Variants in NPAT observed in about 807,000 individuals in gnomAD.
NPAT encodes nuclear protein, coactivator of histone transcription.
In NPAT, 52 loss-of-function variants were observed where a neutral mutation model predicts 130.7. That is an observed-to-expected ratio of 0.40 (90% confidence interval 0.32 to 0.50). The LOEUF (loss-of-function observed/expected upper bound fraction) is 0.50, where lower values mean the gene tolerates loss of function less well. Among genes scored for constraint, NPAT ranks in the 20% least tolerant of loss-of-function variants. The pLI is 0.68. For missense variants in NPAT, 1,687 were observed against 1,662.6 expected, an observed-to-expected ratio of 1.01 and a Z score of -0.26; for synonymous variants, 580 against 584.8, an observed-to-expected ratio of 0.99 and a Z score of 0.12.
intron 1 of NPAT, among the ~76,000 whole-genome samples, chr11:108,220,710 A>AT (rs2078477776): frequency 6.6e-6 from 1 of 152,238 alleles, no homozygotes; most frequent in Non-Finnish European, 1.5e-5. Context: ...AAGTAAGAGC[A>AT]TTAGGCATGG....
chr11:108,193,903 A>G, intron 3 of NPAT, 54 bp downstream of exon 3: 2 of 1,037,540 alleles, frequency 1.9e-6, no homozygotes, highest in Non-Finnish European at 3.0e-6. Flanking sequence ...TAACTAAATC[A>G]AGTAGATAAA....
intron 8 of NPAT, among the ~76,000 whole-genome samples, chr11:108,186,023 G>GA (rs1555043311): frequency 1.4e-5 from 2 of 145,650 alleles, no homozygotes; most frequent in Non-Finnish European, 3.0e-5. Flanking sequence ...TCGCCGGCCA[G>GA]TTTTTTTTTT....
intron 1 of NPAT, among the ~76,000 whole-genome samples, chr11:108,212,658 T>C (rs952052112): frequency 6.6e-6 from 1 of 150,816 alleles, no homozygotes. Context: ...AAAAAAACTA[T>C]TAGAGGCCAG....
Position 108,172,766 on chromosome 11 carries a change from G to T in NPAT, c.2218C>A (p.Leu740Ile). ...GGATCATCACTAATGATAACTTTGA[G>T]AGAGACGATATTTGATGCATCTATC... ...AEIDASNIVS[L>I]KVIISDDPFV... The change falls in exon 13 of 18, where the codon CTC becomes ATC. Residue 740 changes from leucine to isoleucine, a missense_variant. Around this residue, in one of 3 missense-constraint regions of NPAT, gnomAD observed 1,379 missense variants for 1,346.6 expected, o/e 1.02. Transcript: ENST00000278612. 6.2e-7 allele frequency: 1 copy of T among 1,613,574 alleles called. No homozygotes were observed. The highest frequency in any genetic ancestry group is 1.1e-5 in the South Asian group (1 of 91,074).
intron 10 of NPAT, among the ~76,000 whole-genome samples, chr11:108,181,132 T>G (rs1028838085): frequency 1.3e-5 from 2 of 152,220 alleles, no homozygotes; most frequent in Admixed American, 6.5e-5. Flanking sequence ...GGACTGTATT[T>G]GCAGATAAGA....
At chr11:108,188,042 C>CTT (rs371572857) in intron 7 of NPAT, 56 bp downstream of exon 7, 727 of 1,048,594 alleles carry the variant, frequency 6.9e-4, no homozygotes, top group Middle Eastern at 1.3e-3. Context: ...TGATGTAATT[C>CTT]TTTTTTTTTT....
intron 1 of NPAT, among the ~76,000 whole-genome samples, chr11:108,218,424 T>C (rs73006241): frequency 0.11 from 16,249 of 152,106 alleles, 1,205 homozygotes; most frequent in Non-Finnish European, 0.14. Context: ...AAACATCTCC[T>C]TCACATATTT....
At chr11:108,204,389 C>A (rs1389131940) in intron 1 of NPAT, among the ~76,000 whole-genome samples, 2 of 152,194 alleles carry the variant, frequency 1.3e-5, no homozygotes, top group African/African-American at 4.8e-5. Flanking sequence ...GTGGGGTTAC[C>A]TACCTTTGGG....
rs1381063231 is a variant in NPAT, at chr11:108,173,729, T to C, written c.1255A>G (p.Ile419Val). 1.9e-6 allele frequency: 3 copies of C among 1,614,172 alleles called. No individual in the cohort carries two copies. Among genetic ancestry groups the C allele is most frequent in the East Asian group, 2.2e-5 (1 of 44,872 alleles). Residue 419 changes from isoleucine to valine, a missense_variant, in exon 13 of 18, where the codon ATA (isoleucine) becomes GTA (valine). By Grantham distance (29) the Ile-to-Val change is conservative. This residue lies in a region of NPAT where 1,379 missense variants were observed against 1,346.6 expected (regional missense o/e 1.02). Transcript: ENST00000278612. ...GCCTTTTTCTGTATGCTGGTACTTA[T>C]TTGGGAAAAATTTTCCTGGTCTTCT... ...RQEDQENFSQ[I>V]STSIQKKAFK...
At chr11:108,168,535 T>C (rs2077921315) in intron 15 of NPAT, among the ~76,000 whole-genome samples, 1 of 152,178 alleles carries the variant, frequency 6.6e-6, no homozygotes, top group Admixed American at 6.5e-5. Context: ...TTGAGTTCTC[T>C]GTATAATGAG....
At position 108,161,707 on chromosome 11, in the gene NPAT, T is replaced by C; in HGVS notation, c.3379A>G (p.Ile1127Val). 6.2e-7 allele frequency: 1 copy of C among 1,613,892 alleles called. No homozygotes were observed. Among genetic ancestry groups the C allele is most frequent in the African/African-American group, 1.3e-5 (1 of 75,032 alleles). Reference protein sequence around the residue: ...REKEKPPLPKILSKSESAISR... With the variant: ...REKEKPPLPKVLSKSESAISR... ...ATGGCACTTTCCGATTTAGATAAAA[T>C]CTTAGGCAGAGGAGGCTTCTCTTTC... is the stretch of plus-strand genomic sequence containing the variant. The change falls in exon 17 of 18, where the codon ATT (isoleucine) becomes GTT (valine). Residue 1127 changes from isoleucine (I) to valine (V), a missense_variant. By Grantham distance (29) the Ile-to-Val change is conservative (BLOSUM62 3). Around this residue, in one of 3 missense-constraint regions of NPAT, gnomAD observed 1,379 missense variants for 1,346.6 expected, o/e 1.02. Coordinates refer to ENST00000278612, the MANE Select transcript of NPAT (RefSeq NM_002519.3).
Position 108,185,250 on chromosome 11 carries a change from A to G in NPAT, c.888T>C (p.Asp296=). The change falls in exon 10 of 18, where the codon GAT becomes GAC. Residue 296 remains aspartate (D), a synonymous_variant. Coordinates refer to ENST00000278612, the MANE Select transcript of NPAT (RefSeq NM_002519.3). ...CCCATACCGGAAGTCCTAGGAATTC[A>G]TCAATTGAAGTCTCTGGCTCCGTAG... ...NNPTEPETSI[D]EFLGLPSEIH... The G allele has an allele frequency of 6.2e-7, 1 of 1,611,692 alleles. No individual in the cohort carries two copies. The highest frequency in any genetic ancestry group is 8.5e-7 in the Non-Finnish European group (1 of 1,178,450).
chr11:108,186,657 C>T (rs1208189244), intron 7 of NPAT, 88 bp from the exon 8 acceptor site: 2 of 1,081,746 alleles, frequency 1.8e-6, no homozygotes, highest in East Asian at 2.6e-5. Context: ...ATTTTAAGAT[C>T]ACCATAACAG....
At chr11:108,196,420 T>C (rs1396014298) in intron 2 of NPAT, among the ~76,000 whole-genome samples, 3 of 152,248 alleles carry the variant, frequency 2.0e-5, no homozygotes, top group Non-Finnish European at 4.4e-5. Flanking sequence ...GTTTAGGCTA[T>C]TCTAGTTTCT....
chr11:108,162,321 C>A, intron 15 of NPAT, 141 bp from the exon 16 acceptor site: 1 of 708,648 alleles, frequency 1.4e-6, no homozygotes, highest in South Asian at 1.9e-5. Flanking sequence ...GTTGACAAAG[C>A]AGCTTTTAAA....
intron 10 of NPAT, among the ~76,000 whole-genome samples, chr11:108,179,020 G>C (rs1349558723): frequency 6.6e-6 from 1 of 152,168 alleles, no homozygotes; most frequent in Non-Finnish European, 1.5e-5. Context: ...CTGGCATAAA[G>C]GCAAACATGT....
At chr11:108,186,459 C>G (rs2078108795) in intron 8 of NPAT, 23 bp downstream of exon 8, 2 of 1,589,508 alleles carry the variant, frequency 1.3e-6, no homozygotes, top group Non-Finnish European at 1.7e-6. Context: ...TTTTAAGTTG[C>G]AAAGTTTGGC....
In NPAT at chr11:108,172,789, A is replaced by G. The variant is rs369845100; in HGVS notation, c.2195T>C (p.Ile732Thr). Residue 732 changes from isoleucine (I) to threonine (T), a missense_variant, in exon 13 of 18, where the codon ATA becomes ACA. Ile to Thr is a moderately conservative substitution (Grantham distance 89, BLOSUM62 -1). Around this residue, in one of 3 missense-constraint regions of NPAT, gnomAD observed 1,379 missense variants for 1,346.6 expected, o/e 1.02. Transcript: ENST00000278612. ...DKPSSNNSAE[I>T]DASNIVSLKV... ...GAGAGAGACGATATTTGATGCATCT[A>G]TCTCTGCTGAGTTGTTGCTAGAAGG... 16 of 1,613,638 alleles carry G rather than the reference A, an allele frequency of 9.9e-6. No individual in the cohort carries two copies. Among genetic ancestry groups the G allele is most frequent in the Middle Eastern group, 1.6e-4 (1 of 6,084 alleles).
chr11:108,217,006 G>T (rs575149230), intron 1 of NPAT, among the ~76,000 whole-genome samples: 1 of 152,252 alleles, frequency 6.6e-6, no homozygotes, highest in African/African-American at 2.4e-5. Context: ...TTATACTGCT[G>T]ATGAGAGAAA....
Sources: gnomAD v4.1 joint callset for allele counts (sites outside exome capture counted in the v4.1 genomes callset) on GRCh38, gnomAD v4.1.1 for gene constraint, gnomAD v4.1.1 regional missense constraint, MANE v1.5 for transcripts, NCBI Gene and HGNC (gene_info 2026-07-23, HGNC 2026-07-21) for gene names.